Variants in TNFSF4 observed in about 807,000 individuals in gnomAD.
TNFSF4 encodes the protein TNF superfamily member 4.
TNFSF4 carries 4 observed loss-of-function variants against 7.3 expected under a neutral mutation model. That is an observed-to-expected ratio of 0.55 (90% CI 0.27 to 1.25). TNFSF4 has a LOEUF of 1.25. TNFSF4 is among the 50% of genes most tolerant of loss of function. The probability of loss-of-function intolerance (pLI) is 0.12; values close to 1 mark genes in which losing one functional copy is unlikely to be tolerated. For missense variants in TNFSF4, 181 were observed against 208.8 expected (o/e 0.87, Z 0.82); for synonymous variants, 76 against 83.7 (o/e 0.91, Z 0.50).
the TNFSF4 span, among the ~76,000 whole-genome samples, chr1:173,254,005 AT>A: frequency 2.0e-5 from 3 of 152,180 alleles, no homozygotes; most frequent in Non-Finnish European, 4.4e-5. Flanking sequence ...GGTTGGATGA[AT>A]TTGTGTATAA....
chr1:173,400,318 T>A, the TNFSF4 span, among the ~76,000 whole-genome samples: 1 of 152,200 alleles, frequency 6.6e-6, no homozygotes, highest in Non-Finnish European at 1.5e-5. Flanking sequence ...AAACTATATA[T>A]GCTCTGAATC....
chr1:173,231,848 GA>G, the TNFSF4 span, among the ~76,000 whole-genome samples: 3 of 152,076 alleles, frequency 2.0e-5, no homozygotes, highest in African/African-American at 7.2e-5. Flanking sequence ...AATCATGAGT[GA>G]ACTCCCATTC....
upstream of TNFSF4, among the ~76,000 whole-genome samples, chr1:173,211,241 G>A (rs1266029360): frequency 2.0e-5 from 3 of 152,166 alleles, no homozygotes; most frequent in African/African-American, 7.2e-5. Context: ...GAGTGATGTC[G>A]GAGGTGACAG....
At chr1:173,264,283 G>A in the TNFSF4 span, among the ~76,000 whole-genome samples, 1 of 150,562 alleles carries the variant, frequency 6.6e-6, no homozygotes, top group Admixed American at 6.6e-5. Context: ...AAGTAGCTGG[G>A]ACCACAGGTG....
At chr1:173,303,722 T>C in the TNFSF4 span, among the ~76,000 whole-genome samples, 1 of 151,948 alleles carries the variant, frequency 6.6e-6, no homozygotes, top group African/African-American at 2.4e-5. Context: ...ATTAACAACT[T>C]GATATAGAGC....
At chr1:173,370,345 G>T in the TNFSF4 span, among the ~76,000 whole-genome samples, 1 of 152,174 alleles carries the variant, frequency 6.6e-6, no homozygotes, top group East Asian at 1.9e-4. Context: ...CCGAAGAAAG[G>T]GGAGAATTCT....
rs1379620226 is a variant in TNFSF4, at chr1:173,184,744, A to G, written c.*1772T>C. The G allele has an allele frequency of 6.6e-6, 1 of 152,060 alleles. No individual in the cohort carries two copies. The highest frequency in any genetic ancestry group is 1.5e-5 in the Non-Finnish European group (1 of 67,998). The allele number at this position is 152,060 out of a possible 1,614,324, so 9.4% of individuals were successfully genotyped here. On this transcript the variant is annotated 3_prime_UTR_variant, in exon 3 of 3. Coordinates refer to ENST00000281834, the MANE Select transcript of TNFSF4 (RefSeq NM_003326.5). ...ACACAAACACACACACAATCTTCTGAGTAGTGAAGCCAGATATCATTGAAT... is the reference window on the plus strand; with the variant it reads ...ACACAAACACACACACAATCTTCTGGGTAGTGAAGCCAGATATCATTGAAT...
chr1:173,178,596 A>T, the TNFSF4 span, among the ~76,000 whole-genome samples: 65,170 of 152,034 alleles, frequency 0.43, 17,043 homozygotes, highest in African/African-American at 0.74. Context: ...TTTAAAAATT[A>T]AAAAAATAAG....
the TNFSF4 span, among the ~76,000 whole-genome samples, chr1:173,228,224 A>T: frequency 5.3e-5 from 8 of 152,186 alleles, no homozygotes; most frequent in Admixed American, 2.0e-4. Context: ...CCCCTCTGAG[A>T]CAAAGCTTCC....
chr1:173,414,163 C>T, the TNFSF4 span, among the ~76,000 whole-genome samples: 1 of 152,164 alleles, frequency 6.6e-6, no homozygotes, highest in Non-Finnish European at 1.5e-5. Flanking sequence ...AAACCACAGA[C>T]ATTTTTATTT....
At chr1:173,233,223 C>T in the TNFSF4 span, among the ~76,000 whole-genome samples, 4 of 151,966 alleles carry the variant, frequency 2.6e-5, no homozygotes, top group South Asian at 2.1e-4. Context: ...GGAAGAAAGG[C>T]GATCAGTGAC....
chr1:173,441,352 T>C, the TNFSF4 span, among the ~76,000 whole-genome samples: 1 of 152,050 alleles, frequency 6.6e-6, no homozygotes, highest in Non-Finnish European at 1.5e-5. Context: ...TCCCTTACCA[T>C]TGCTCAAGCC....
At chr1:173,204,936 C>CAT (rs199662801) in intron 1 of TNFSF4, among the ~76,000 whole-genome samples, 13,335 of 151,828 alleles carry the variant, frequency 0.088, 683 homozygotes, top group Middle Eastern at 0.14. Flanking sequence ...CACACACACA[C>CAT]ACACACTGCT....
At chr1:173,410,622 C>T in the TNFSF4 span, among the ~76,000 whole-genome samples, 1 of 152,198 alleles carries the variant, frequency 6.6e-6, no homozygotes, top group African/African-American at 2.4e-5. Context: ...AGGAAGCCCC[C>T]AGTGGTACCT....
In TNFSF4 at chr1:173,201,067, T is replaced by C. The variant is rs189060954; in HGVS notation, c.153+5957A>G. ...AACCAGATGATATGCCTCTTATAAA[T>C]CTAATTTCCTGCCTTATTTGGTAGC... On this transcript the variant is annotated intron_variant, in intron 1 of 2. Transcript: ENST00000281834. Among the ~76,000 whole-genome samples, 568 of 152,340 alleles carry C rather than the reference T, an allele frequency of 3.7e-3. 5 individuals carry two copies. Among genetic ancestry groups the C allele is most frequent in the African/African-American group, 0.013 (548 of 41,574 alleles).
chr1:173,268,034 T>G, the TNFSF4 span, among the ~76,000 whole-genome samples: 1 of 152,116 alleles, frequency 6.6e-6, no homozygotes, highest in Admixed American at 6.6e-5. Flanking sequence ...GAGAAAACAC[T>G]GTTAACTCTG....
chr1:173,444,395 T>A, the TNFSF4 span, among the ~76,000 whole-genome samples: 37 of 152,264 alleles, frequency 2.4e-4, no homozygotes, highest in South Asian at 7.5e-3. Flanking sequence ...GTTTTTTTCG[T>A]ACAAAAAGTT....
chr1:173,429,287 C>G, the TNFSF4 span, among the ~76,000 whole-genome samples: 1 of 152,050 alleles, frequency 6.6e-6, no homozygotes, highest in African/African-American at 2.4e-5. Flanking sequence ...AAGACTGGCC[C>G]CCCTCTTTCT....
At chr1:173,312,432 T>G in the TNFSF4 span, among the ~76,000 whole-genome samples, 2 of 152,084 alleles carry the variant, frequency 1.3e-5, no homozygotes, top group East Asian at 3.9e-4. Flanking sequence ...ATTTCTTGTC[T>G]CTCTCTTTTT....
Sources: allele counts gnomAD v4.1 joint callset (sites outside exome capture counted in the v4.1 genomes callset), GRCh38; gene constraint gnomAD v4.1.1; transcripts MANE v1.5; gene names NCBI Gene and HGNC (gene_info 2026-07-23, HGNC 2026-07-21).